Variants in CFHR5 observed in about 807,000 individuals in gnomAD.
The protein encoded by CFHR5 is complement factor H related 5, also known as complement factor H-related protein 5.
A neutral mutation model predicts 62.9 loss-of-function variants in CFHR5; 73 were observed. That is an observed-to-expected ratio of 1.16 (90% CI 0.96 to 1.41). The LOEUF (loss-of-function observed/expected upper bound fraction) is 1.41. Among genes scored for constraint, CFHR5 ranks in the 40% most tolerant of loss-of-function variants. The probability of loss-of-function intolerance (pLI) is 0.00; values close to 1 mark genes in which losing one functional copy is unlikely to be tolerated. For synonymous variants in CFHR5, 249 were observed against 227.2 expected (o/e 1.10, Z -0.86); for missense variants, 779 against 679.9 (o/e 1.15, Z -1.62).
At position 196,977,688 on chromosome 1, in the gene CFHR5, C is replaced by A. The variant is rs760672492; in HGVS notation, c.24C>A (p.Ile8=). 6.2e-7 allele frequency: 1 copy of A among 1,612,982 alleles called. No individual in the cohort carries two copies. Among genetic ancestry groups the A allele is most frequent in the African/African-American group, 1.3e-5 (1 of 74,982 alleles). ...GCATGTTGCTCTTATTCAGTGTAAT[C>A]CTAATCTCATGGGTATCCACTGTTG... The part of the protein sequence containing the change: MLLLFSV[I]LISWVSTVGG... The change falls in exon 1 of 10, where the codon ATC becomes ATA. Residue 8 remains isoleucine, a synonymous_variant. Coordinates refer to ENST00000256785, the MANE Select transcript of CFHR5 (RefSeq NM_030787.4).
chr1:197,005,724 A>T (rs1486141630), intron 9 of CFHR5, among the ~76,000 whole-genome samples: 2 of 152,174 alleles, frequency 1.3e-5, no homozygotes, highest in Non-Finnish European at 2.9e-5. Context: ...TTCCTGCAAC[A>T]GTTCTCACTG....
intron 6 of CFHR5, among the ~76,000 whole-genome samples, chr1:196,996,846 C>G (rs1027583294): frequency 1.7e-4 from 25 of 150,890 alleles, no homozygotes; most frequent in African/African-American, 6.1e-4. Context: ...GTTTCCTCCA[C>G]AGAAGTAGTA....
At position 197,004,549 on chromosome 1, in the gene CFHR5, T is replaced by G. The variant is rs1654234480; in HGVS notation, c.1331-112T>G. The G allele has an allele frequency of 3.5e-6, 3 of 859,826 alleles. No homozygotes were observed. The Admixed American group carries it at 5.5e-5, about 16-fold the overall frequency. The allele number at this position is 859,826 out of a possible 1,614,324, so 53.3% of individuals were successfully genotyped here. ...GACTTTATGACAGAAATACTGTAAT[T>G]AATTATTTGAATTTCCAGACACCTT... On this transcript the variant is annotated intron_variant, in intron 8 of 9. Coordinates refer to ENST00000256785, the MANE Select transcript of CFHR5 (RefSeq NM_030787.4).
chr1:196,985,504 A>C (rs557945820), intron 3 of CFHR5, among the ~76,000 whole-genome samples: 9 of 152,284 alleles, frequency 5.9e-5, no homozygotes, highest in African/African-American at 2.2e-4. Context: ...AAAAAAAAAA[A>C]ATAACAAATG....
chr1:196,997,506 G>A (rs1387705807), intron 6 of CFHR5, among the ~76,000 whole-genome samples: 1 of 151,992 alleles, frequency 6.6e-6, no homozygotes, highest in Non-Finnish European at 1.5e-5. Flanking sequence ...CATGTTTATG[G>A]GAAACGGGAA....
At position 197,008,512 on chromosome 1, in the gene CFHR5, C is replaced by T. The variant is rs1654350231; in HGVS notation, c.1539C>T (p.Asn513=). Residue 513 remains asparagine, a synonymous_variant, in exon 10 of 10, where the codon AAC becomes AAT. Coordinates refer to ENST00000256785, the MANE Select transcript of CFHR5 (RefSeq NM_030787.4). ...CLDPCVVSEE[N]MNKNNIQLKW... is the part of the protein sequence containing the mutation. ...ATCCATGTGTGGTATCTGAAGAAAA[C>T]ATGAACAAAAATAACATACAGTTAA... 1 of 1,608,266 alleles carries T rather than the reference C, an allele frequency of 6.2e-7. No individual in the cohort carries two copies. The highest frequency in any genetic ancestry group is 8.5e-7 in the Non-Finnish European group (1 of 1,176,482).
intron 3 of CFHR5, among the ~76,000 whole-genome samples, chr1:196,986,455 G>T (rs528999397): frequency 2.0e-5 from 3 of 151,938 alleles, no homozygotes; most frequent in African/African-American, 7.2e-5. Flanking sequence ...GTGTCATATT[G>T]GTTTGCTGCA....
chr1:197,002,378 T>C, intron 7 of CFHR5, 104 bp from the exon 8 acceptor site: 1 of 705,082 alleles, frequency 1.4e-6, no homozygotes, highest in South Asian at 1.7e-5. Flanking sequence ...AGAGACATAG[T>C]GTGTGTGTGT....
chr1:196,989,597 A>G (rs1398105909), intron 3 of CFHR5, among the ~76,000 whole-genome samples: 2 of 152,134 alleles, frequency 1.3e-5, no homozygotes, highest in South Asian at 2.1e-4. Context: ...TTCAAAGAAC[A>G]TCGTTATTTC....
intron 7 of CFHR5, among the ~76,000 whole-genome samples, chr1:196,998,854 A>C (rs1375582479): frequency 1.3e-5 from 2 of 152,068 alleles, no homozygotes; most frequent in African/African-American, 4.8e-5. Flanking sequence ...AAAATAAACC[A>C]GAACTAGAGA....
At chr1:197,006,766 GT>G (rs551296707) in intron 9 of CFHR5, among the ~76,000 whole-genome samples, 16 of 152,040 alleles carry the variant, frequency 1.1e-4, no homozygotes, top group South Asian at 1.0e-3. Context: ...TATTTGGATG[GT>G]TCATGGGTAT....
chr1:196,987,387 T>A (rs1356528863), intron 3 of CFHR5, among the ~76,000 whole-genome samples: 1 of 152,224 alleles, frequency 6.6e-6, no homozygotes, highest in Non-Finnish European at 1.5e-5. Context: ...TTGTCTATTT[T>A]GGCTTTTGTT....
intron 3 of CFHR5, among the ~76,000 whole-genome samples, chr1:196,989,760 T>C (rs1256391753): frequency 6.6e-6 from 1 of 152,176 alleles, no homozygotes; most frequent in African/African-American, 2.4e-5. Context: ...TCTGTTCTTT[T>C]ACATTTGCTG....
At chr1:196,984,743 T>G (rs964523368) in intron 3 of CFHR5, among the ~76,000 whole-genome samples, 1 of 152,164 alleles carries the variant, frequency 6.6e-6, no homozygotes, top group Non-Finnish European at 1.5e-5. Context: ...CATCCTATGC[T>G]TACACACCTC....
At chr1:196,994,044 G>A (rs775967479) in intron 3 of CFHR5, 36 bp from the exon 4 acceptor site, 3 of 1,536,788 alleles carry the variant, frequency 2.0e-6, no homozygotes, top group South Asian at 2.2e-5. Context: ...TTTCTGCAAT[G>A]AAAATTCACA....
chr1:196,991,001 G>A (rs1288590370), intron 3 of CFHR5, among the ~76,000 whole-genome samples: 1 of 151,804 alleles, frequency 6.6e-6, no homozygotes, highest in Non-Finnish European at 1.5e-5. Flanking sequence ...TTCAGGTACA[G>A]CAATCAAACG....
chr1:196,999,721 AT>A, intron 7 of CFHR5, among the ~76,000 whole-genome samples: 1 of 46,086 alleles, frequency 2.2e-5, no homozygotes, highest in South Asian at 9.7e-4. Context: ...ATATATATAT[AT>A]ACACACACAC....
At chr1:196,978,778 T>C (rs1653461753) in intron 1 of CFHR5, among the ~76,000 whole-genome samples, 4 of 152,160 alleles carry the variant, frequency 2.6e-5, no homozygotes, top group Admixed American at 2.6e-4. Flanking sequence ...ATTTATTAAG[T>C]GGCTTAAACA....
At chr1:197,007,065 G>C (rs1463935520) in intron 9 of CFHR5, among the ~76,000 whole-genome samples, 1 of 151,854 alleles carries the variant, frequency 6.6e-6, no homozygotes, top group Non-Finnish European at 1.5e-5. Flanking sequence ...TTGAACTCTT[G>C]ACCTCATGAT....
Sources: allele counts gnomAD v4.1 joint callset (sites outside exome capture counted in the v4.1 genomes callset), GRCh38; gene constraint gnomAD v4.1.1; transcripts MANE v1.5; gene names NCBI Gene and HGNC (gene_info 2026-07-23, HGNC 2026-07-21).